Variants in DACH2 observed in about 807,000 individuals in gnomAD.
DACH2 encodes the protein dachshund homolog 2.
Under a neutral mutation model 35.8 loss-of-function variants are expected in DACH2, and 17 were observed. The ratio of observed to expected loss-of-function variants is 0.48; its 90% CI spans 0.33 to 0.71. The LOEUF (loss-of-function observed/expected upper bound fraction) is 0.71. Ranked by LOEUF, DACH2 falls within the 30% of genes least tolerant of loss-of-function variation. The pLI, the probability that DACH2 is intolerant of heterozygous loss-of-function variation, is 0.02. For synonymous variants in DACH2, 195 were observed against 177.3 expected (o/e 1.10, Z -0.79); for missense variants, 469 against 472.7 (o/e 0.99, Z 0.07).
intron 1 of DACH2, among the ~76,000 whole-genome samples, chrX:86,276,848 G>A (rs976259329): frequency 9.0e-6 from 1 of 111,447 alleles, no homozygotes; most frequent in Non-Finnish European, 1.9e-5. Flanking sequence ...TAGGTGTGTG[G>A]ATTTGTTTCT....
At chrX:86,333,469 G>T (rs2035247863) in intron 1 of DACH2, among the ~76,000 whole-genome samples, 1 of 111,274 alleles carries the variant, frequency 9.0e-6, no homozygotes, top group Non-Finnish European at 1.9e-5. Flanking sequence ...TAGCAAGTGT[G>T]GTCATTTAGT....
chrX:86,188,607 C>T (rs2031745138), intron 1 of DACH2, among the ~76,000 whole-genome samples: 1 of 111,529 alleles, frequency 9.0e-6, no homozygotes, highest in African/African-American at 3.3e-5. Context: ...TCCATGTTGA[C>T]CCAATATGAT....
chrX:86,671,541 C>G (rs1182386612), intron 4 of DACH2, among the ~76,000 whole-genome samples: 1 of 111,041 alleles, frequency 9.0e-6, no homozygotes, highest in Non-Finnish European at 1.9e-5. Context: ...CAGCACCTCC[C>G]CCTTTACTCT....
chrX:86,529,707 C>T (rs757306149), intron 3 of DACH2, among the ~76,000 whole-genome samples: 23 of 107,037 alleles, frequency 2.1e-4, no homozygotes, highest in South Asian at 4.2e-4. Context: ...CTCCTGACCT[C>T]GTGATCCACC....
At chrX:86,272,063 CT>C (rs1043991492) in intron 1 of DACH2, among the ~76,000 whole-genome samples, 8 of 111,579 alleles carry the variant, frequency 7.2e-5, no homozygotes, top group African/African-American at 2.6e-4. Flanking sequence ...TTAGCTCTCA[CT>C]TATGTGAGAA....
intron 3 of DACH2, among the ~76,000 whole-genome samples, chrX:86,549,000 A>T (rs1247107440): frequency 1.8e-5 from 2 of 111,917 alleles, no homozygotes; most frequent in Admixed American, 1.9e-4. Flanking sequence ...TTATTCTCCT[A>T]TTAGAGAATG....
chrX:86,408,931 A>G (rs1353955717), intron 2 of DACH2, among the ~76,000 whole-genome samples: 1 of 111,905 alleles, frequency 8.9e-6, no homozygotes, highest in African/African-American at 3.2e-5. Context: ...TGATGAATAA[A>G]TATGAATAGA....
At chrX:86,538,926 GA>G (rs1007534880) in intron 3 of DACH2, among the ~76,000 whole-genome samples, 4 of 111,577 alleles carry the variant, frequency 3.6e-5, no homozygotes, top group Admixed American at 1.9e-4. Flanking sequence ...TCAAACCAAA[GA>G]AATAATCATG....
chrX:86,527,663 T>C (rs1490846419), intron 3 of DACH2, among the ~76,000 whole-genome samples: 3 of 112,430 alleles, frequency 2.7e-5, no homozygotes, highest in East Asian at 5.6e-4. Context: ...TTTAAGGCTT[T>C]ATGTATACAT....
intron 3 of DACH2, among the ~76,000 whole-genome samples, chrX:86,571,452 C>A (rs182424721): frequency 1.8e-5 from 2 of 109,811 alleles, no homozygotes; most frequent in Non-Finnish European, 3.8e-5. Context: ...CCCCGCTCCC[C>A]CCACCCCACA....
intron 2 of DACH2, among the ~76,000 whole-genome samples, chrX:86,507,536 G>A (rs184124611): frequency 5.5e-5 from 6 of 109,132 alleles, no homozygotes; most frequent in Admixed American, 3.0e-4. Context: ...AGGCAGTGGA[G>A]CTTAACAAAA....
At chrX:86,643,731 C>A (rs759414975) in intron 3 of DACH2, among the ~76,000 whole-genome samples, 3 of 108,060 alleles carry the variant, frequency 2.8e-5, no homozygotes, top group Non-Finnish European at 5.8e-5. Flanking sequence ...TATTTGCAAA[C>A]CAAATCTTGC....
chrX:86,205,706 A>G (rs1377337818), intron 1 of DACH2, among the ~76,000 whole-genome samples: 2 of 105,445 alleles, frequency 1.9e-5, no homozygotes, highest in African/African-American at 6.9e-5. Flanking sequence ...GACTACATGC[A>G]TGCACCACCA....
intron 2 of DACH2, among the ~76,000 whole-genome samples, chrX:86,493,824 A>T (rs2038128210): frequency 8.9e-6 from 1 of 112,225 alleles, no homozygotes; most frequent in Non-Finnish European, 1.9e-5. Context: ...TAACAACTTC[A>T]TAATAATAAT....
rs764040599 is a variant in DACH2 at position 86,496,469 on chromosome X, C to T, written c.528-17810C>T. Among the ~76,000 whole-genome samples, 7 of 110,422 alleles carry T rather than the reference C, an allele frequency of 6.3e-5. No homozygotes were observed. The South Asian group carries it at 1.2e-3, about 18-fold the overall frequency. ...TATGTTTGTACCCAATTTTCAGTAA[C>T]GGGGAGGGGAAGGGTCCTCAAATTT... On this transcript the variant is annotated intron_variant, in intron 2 of 11. Coordinates refer to ENST00000373125, the MANE Select transcript of DACH2 (RefSeq NM_053281.3).
intron 1 of DACH2, among the ~76,000 whole-genome samples, chrX:86,170,844 C>A (rs1050772410): frequency 1.8e-5 from 2 of 112,236 alleles, no homozygotes; most frequent in Non-Finnish European, 3.8e-5. Context: ...GCTTGGTTTT[C>A]TACATTTTAG....
At position 86,687,944 on chromosome X, in the gene DACH2, T is replaced by C. The variant is rs181058741; in HGVS notation, c.773-7077T>C. On this transcript the variant is annotated intron_variant, in intron 4 of 11. Coordinates refer to ENST00000373125, the MANE Select transcript of DACH2 (RefSeq NM_053281.3). ...CATTAGGAGAAATACCTAATGTAGG[T>C]GACGGGTTGATAGGTGCAGCAAACC... 5.8e-3 allele frequency among the ~76,000 whole-genome samples: 641 copies of C among 110,462 alleles called. 6 individuals carry two copies. Among genetic ancestry groups the C allele is most frequent in the African/African-American group, 0.019 (588 of 30,329 alleles).
intron 4 of DACH2, among the ~76,000 whole-genome samples, chrX:86,672,406 G>A (rs1284875290): frequency 8.9e-6 from 1 of 111,894 alleles, no homozygotes; most frequent in East Asian, 2.8e-4. Flanking sequence ...CATGGCAGCA[G>A]CCCCTCACAT....
At chrX:86,340,410 G>A (rs756221947) in intron 1 of DACH2, among the ~76,000 whole-genome samples, 29 of 111,485 alleles carry the variant, frequency 2.6e-4, no homozygotes, top group Admixed American at 2.4e-3. Context: ...ACAAACCACA[G>A]CAGTGTAAAT....
Sources: gnomAD v4.1 joint callset for allele counts (sites outside exome capture counted in the v4.1 genomes callset) on GRCh38, gnomAD v4.1.1 for gene constraint, MANE v1.5 for transcripts, NCBI Gene and HGNC (gene_info 2026-07-23, HGNC 2026-07-21) for gene names.